Variants in SVOPL observed in about 807,000 individuals in gnomAD.
SVOPL encodes the protein SVOP like.
SVOPL carries 60 observed loss-of-function variants against 61.0 expected under a neutral mutation model. The observed-to-expected ratio is 0.98, with a 90% CI of 0.80 to 1.22. The LOEUF (loss-of-function observed/expected upper bound fraction) is 1.22, where lower values mean the gene tolerates loss of function less well. Among genes scored for constraint, SVOPL ranks in the 50% most tolerant of loss-of-function variants. The pLI is 0.00. For missense variants in SVOPL, 662 were observed against 643.9 expected (o/e 1.03, Z -0.30); for synonymous variants, 279 against 250.0 (o/e 1.12, Z -1.09).
chr7:138,607,480 G>A (rs1798809474), intron 14 of SVOPL, among the ~76,000 whole-genome samples: 1 of 152,178 alleles, frequency 6.6e-6, no homozygotes, highest in Non-Finnish European at 1.5e-5. Flanking sequence ...CACCAGAAGG[G>A]AACACGGGAT....
chr7:138,597,003 G>A, intron 14 of SVOPL: 1 of 1,146,374 alleles, frequency 8.7e-7, no homozygotes, highest in South Asian at 2.0e-5. Flanking sequence ...TGAAAGGATT[G>A]CTAATGTGTC....
At chr7:138,621,436 C>CCA (rs941948592) in intron 13 of SVOPL, among the ~76,000 whole-genome samples, 1 of 152,122 alleles carries the variant, frequency 6.6e-6, no homozygotes, top group African/African-American at 2.4e-5. Context: ...GAGAAGAGTG[C>CCA]CACTTCAGAA....
intron 5 of SVOPL, chr7:138,662,075 A>G: frequency 7.1e-6 from 7 of 985,418 alleles, no homozygotes; most frequent in Non-Finnish European, 8.4e-6. Context: ...GTTGAGGTCT[A>G]CAGTTTGGGT....
At chr7:138,693,539 A>AAGAAAGAAAGAAAGAAAG (rs1802992479) in intron 1 of SVOPL, among the ~76,000 whole-genome samples, 1 of 76,336 alleles carries the variant, frequency 1.3e-5, no homozygotes, top group Non-Finnish European at 2.7e-5. Flanking sequence ...AAAAGAAAGA[A>AAGAAAGAAAGAAAGAAAG]AGAAAGAAAG....
At chr7:138,695,854 G>T (rs2117148257) in intron 1 of SVOPL, among the ~76,000 whole-genome samples, 1 of 152,134 alleles carries the variant, frequency 6.6e-6, no homozygotes. Flanking sequence ...CGTGATCTCG[G>T]CTCACTGAGC....
chr7:138,628,412 A>G lies in SVOPL; in HGVS notation c.864-49T>C, dbSNP rs747774146. On this transcript the variant is annotated intron_variant, in intron 10 of 15. Coordinates refer to ENST00000674285, the MANE Select transcript of SVOPL (RefSeq NM_001139456.2). ...CTAGCCAACGCTGACACCAGACCTGAAGGATGAGTGGGGAGGGGATACCAA... is the reference window on the plus strand; with the variant it reads ...CTAGCCAACGCTGACACCAGACCTGGAGGATGAGTGGGGAGGGGATACCAA... 4 of 1,585,786 alleles carry G rather than the reference A, an allele frequency of 2.5e-6. No individual in the cohort carries two copies. The Admixed American group carries it at 5.2e-5, about 20-fold the overall frequency.
chr7:138,603,703 C>G (rs537436212), intron 14 of SVOPL, among the ~76,000 whole-genome samples: 1 of 152,122 alleles, frequency 6.6e-6, no homozygotes, highest in Non-Finnish European at 1.5e-5. Flanking sequence ...TGAAATTTTA[C>G]TATCTTGCAC....
At chr7:138,614,640 C>T (rs1453642720) in intron 14 of SVOPL, among the ~76,000 whole-genome samples, 1 of 135,482 alleles carries the variant, frequency 7.4e-6, no homozygotes, top group Non-Finnish European at 1.7e-5. Flanking sequence ...AAATGATCCA[C>T]CCACCTCAGC....
At chr7:138,613,274 CCT>C (rs1799136754) in intron 14 of SVOPL, among the ~76,000 whole-genome samples, 1 of 152,122 alleles carries the variant, frequency 6.6e-6, no homozygotes, top group South Asian at 2.1e-4. Flanking sequence ...CCCGCCTCGG[CCT>C]CCCAAAGTGC....
At chr7:138,624,972 A>G (rs1799829309) in intron 13 of SVOPL, 1 of 152,092 alleles carries the variant, frequency 6.6e-6, no homozygotes, top group African/African-American at 2.4e-5. Context: ...AAATTCAAGG[A>G]TTGCAGGCAT....
intron 4 of SVOPL, among the ~76,000 whole-genome samples, chr7:138,664,738 T>C (rs1802179852): frequency 6.7e-6 from 1 of 148,220 alleles, no homozygotes; most frequent in African/African-American, 2.5e-5. Flanking sequence ...TGACCCCTGA[T>C]CCTCTCTTGC....
At chr7:138,595,910 G>A (rs770117095) in intron 15 of SVOPL, among the ~76,000 whole-genome samples, 17 of 152,080 alleles carry the variant, frequency 1.1e-4, no homozygotes, top group Middle Eastern at 3.4e-3. Context: ...AAACTAGGCC[G>A]GGCACGGTGG....
intron 11 of SVOPL, among the ~76,000 whole-genome samples, chr7:138,627,813 A>G (rs1799960790): frequency 1.3e-5 from 2 of 152,274 alleles, no homozygotes; most frequent in East Asian, 1.9e-4. Context: ...ACATTCAGCC[A>G]TTGATTTTTA....
chr7:138,642,848 A>AAAAAAAAGAAG (rs1437306629), intron 9 of SVOPL, among the ~76,000 whole-genome samples: 23 of 35,478 alleles, frequency 6.5e-4, no homozygotes, highest in South Asian at 3.5e-3. Context: ...AAAAAAAAAA[A>AAAAAAAAGAAG]AAGAAGAAAC....
chr7:138,699,849 T>C (rs1803151567), intron 1 of SVOPL, among the ~76,000 whole-genome samples: 1 of 152,144 alleles, frequency 6.6e-6, no homozygotes, highest in Non-Finnish European at 1.5e-5. Context: ...GTCTTCCCAA[T>C]GCATAGCCCT....
At chr7:138,672,263 G>T in intron 3 of SVOPL, 146 bp from the exon 4 acceptor site, 1 of 676,944 alleles carries the variant, frequency 1.5e-6, no homozygotes, top group Non-Finnish European at 2.5e-6. Flanking sequence ...ACACTGCACT[G>T]CTAGTTGGAT....
intron 1 of SVOPL, among the ~76,000 whole-genome samples, chr7:138,690,043 C>A (rs767315398): frequency 5.3e-5 from 8 of 151,970 alleles, no homozygotes; most frequent in Non-Finnish European, 1.0e-4. Context: ...GGGGTGCCAG[C>A]AACCACCAGC....
chr7:138,663,178 A>C (rs1802075501), intron 4 of SVOPL, 33 bp from the exon 5 acceptor site: 2 of 1,604,262 alleles, frequency 1.2e-6, no homozygotes, highest in Non-Finnish European at 8.5e-7. Flanking sequence ...ACGGTTCTCT[A>C]AGCAGGTTTT....
At chr7:138,631,975 CACACACACAT>C (rs1347943397) in intron 9 of SVOPL, among the ~76,000 whole-genome samples, 1 of 151,842 alleles carries the variant, frequency 6.6e-6, no homozygotes, top group African/African-American at 2.4e-5. Context: ...CACACACACA[CACACACACAT>C]ACACACACCC....
Sources: allele counts gnomAD v4.1 joint callset (sites outside exome capture counted in the v4.1 genomes callset), GRCh38; gene constraint gnomAD v4.1.1; transcripts MANE v1.5; gene names NCBI Gene and HGNC (gene_info 2026-07-23, HGNC 2026-07-21).